RGS17: variants seen among roughly 807,000 people sequenced by gnomAD.
RGS17 encodes the protein regulator of G-protein signaling 17.
A neutral mutation model predicts 25.5 loss-of-function variants in RGS17; 12 were observed. The ratio of observed to expected loss-of-function variants is 0.47; its 90% CI spans 0.30 to 0.76. The LOEUF (loss-of-function observed/expected upper bound fraction) is 0.76, where lower values mean the gene tolerates loss of function less well. Among genes scored for constraint, RGS17 ranks in the 30% least tolerant of loss-of-function variants. The probability of loss-of-function intolerance (pLI) is 0.07; values close to 1 mark genes in which losing one functional copy is unlikely to be tolerated. For missense variants in RGS17, 196 were observed against 242.2 expected, an observed-to-expected ratio of 0.81 and a Z score of 1.27; for synonymous variants, 71 against 76.9, an observed-to-expected ratio of 0.92 and a Z score of 0.40.
At chr6:153,014,386 G>A (rs1779161935) in intron 4 of RGS17, among the ~76,000 whole-genome samples, 1 of 152,148 alleles carries the variant, frequency 6.6e-6, no homozygotes, top group Admixed American at 6.5e-5. Flanking sequence ...CTGGTCATCC[G>A]AGAGCTTTGA....
chr6:153,026,629 C>T, intron 2 of RGS17, 86 bp from the exon 3 acceptor site: 1 of 967,186 alleles, frequency 1.0e-6, no homozygotes, highest in East Asian at 2.4e-5. Flanking sequence ...AAACATTTCA[C>T]AGGAGATCTT....
intron 1 of RGS17, among the ~76,000 whole-genome samples, chr6:153,083,729 G>A (rs1777014093): frequency 6.6e-6 from 1 of 152,144 alleles, no homozygotes; most frequent in Non-Finnish European, 1.5e-5. Flanking sequence ...TTAAACAGAG[G>A]AGCCTTATTT....
Position 153,006,730 on chromosome 6 carries a change from C to A in RGS17, c.*4844G>T, listed in dbSNP as rs548636400. 6.6e-6 allele frequency: 1 copy of A among 152,176 alleles called. No homozygotes were observed. The highest frequency in any genetic ancestry group is 1.5e-5 in the Non-Finnish European group (1 of 68,022). 9.4% of individuals were successfully genotyped at this position (152,176 alleles called of 1,614,324 possible). On this transcript the variant is annotated 3_prime_UTR_variant, in exon 5 of 5. Coordinates refer to ENST00000206262, the MANE Select transcript of RGS17 (RefSeq NM_012419.5). ...ATAATAATGTATGCCACACTTTATT[C>A]TTTCCACGTTTGTTTTATTTAATGC...
At chr6:153,075,542 G>C (rs1287044859) in intron 1 of RGS17, among the ~76,000 whole-genome samples, 1 of 152,140 alleles carries the variant, frequency 6.6e-6, no homozygotes, top group Non-Finnish European at 1.5e-5. Flanking sequence ...GGCACGGACT[G>C]CTGCATGGAA....
chr6:153,089,708 A>C (rs1777099902), intron 1 of RGS17, among the ~76,000 whole-genome samples: 2 of 152,176 alleles, frequency 1.3e-5, no homozygotes, highest in Admixed American at 6.6e-5. Context: ...TAAGCTGTTA[A>C]ATAAATAAAT....
At chr6:153,063,596 A>C (rs1776667038) in intron 1 of RGS17, among the ~76,000 whole-genome samples, 2 of 152,324 alleles carry the variant, frequency 1.3e-5, no homozygotes, top group African/African-American at 4.8e-5. Context: ...TCTAGAAAAT[A>C]GACTCAACAG....
intron 1 of RGS17, among the ~76,000 whole-genome samples, chr6:153,127,809 G>C (rs12216195): frequency 0.093 from 14,112 of 152,242 alleles, 851 homozygotes; most frequent in East Asian, 0.18. Flanking sequence ...AGCCCAACTA[G>C]TGTACTTGGT....
rs1400161407 is a variant in RGS17, at chr6:153,037,219, C to CAA, written c.119+6680_119+6681insTT. Among the ~76,000 whole-genome samples, 8 of 150,460 alleles carry CAA rather than the reference C, an allele frequency of 5.3e-5. No homozygotes were observed. The East Asian group carries it at 1.6e-3, about 30-fold the overall frequency. On this transcript the variant is annotated intron_variant, in intron 2 of 4. Coordinates refer to ENST00000206262, the MANE Select transcript of RGS17 (RefSeq NM_012419.5). Reference sequence around the variant, plus strand: ...ACACACAGACACACACACACACACACACAGGAGCATGAAGAAAAATGGTGC... The same window carrying CAA: ...ACACACAGACACACACACACACACACAAACAGGAGCATGAAGAAAAATGGTGC...
At chr6:153,090,635 A>T (rs1777115815) in intron 1 of RGS17, among the ~76,000 whole-genome samples, 1 of 152,024 alleles carries the variant, frequency 6.6e-6, no homozygotes. Context: ...ACAAAAAAAA[A>T]GGAAAGAAAA....
intron 1 of RGS17, among the ~76,000 whole-genome samples, chr6:153,050,900 G>A (rs938966414): frequency 6.6e-6 from 1 of 152,120 alleles, no homozygotes; most frequent in Non-Finnish European, 1.5e-5. Flanking sequence ...TTTGGAGGTG[G>A]GGCCTTTCAG....
intron 2 of RGS17, among the ~76,000 whole-genome samples, chr6:153,040,546 A>G (rs1274634070): frequency 6.6e-6 from 1 of 152,080 alleles, no homozygotes; most frequent in Non-Finnish European, 1.5e-5. Context: ...ATTCAGCCAC[A>G]TGACAACTGG....
At chr6:153,032,098 C>A (rs1031958417) in intron 2 of RGS17, among the ~76,000 whole-genome samples, 1 of 152,058 alleles carries the variant, frequency 6.6e-6, no homozygotes, top group Non-Finnish European at 1.5e-5. Flanking sequence ...AGACTACCCA[C>A]CCCCCAAAAA....
chr6:153,110,705 C>A (rs911294762), intron 1 of RGS17, among the ~76,000 whole-genome samples: 3 of 152,174 alleles, frequency 2.0e-5, no homozygotes, highest in Non-Finnish European at 2.9e-5. Context: ...ACGCAGAAGG[C>A]AGGTGATTTC....
At chr6:153,030,354 G>T (rs1329262446) in intron 2 of RGS17, among the ~76,000 whole-genome samples, 1 of 152,160 alleles carries the variant, frequency 6.6e-6, no homozygotes, top group Non-Finnish European at 1.5e-5. Flanking sequence ...TGGTTCTTAA[G>T]AAAAACTGTT....
intron 3 of RGS17, among the ~76,000 whole-genome samples, chr6:153,025,338 C>T (rs947364396): frequency 6.6e-6 from 1 of 151,380 alleles, no homozygotes; most frequent in African/African-American, 2.4e-5. Flanking sequence ...TTTTTTCCTA[C>T]GAAAAGTTAA....
intron 1 of RGS17, among the ~76,000 whole-genome samples, chr6:153,046,758 C>A (rs1015687845): frequency 5.3e-5 from 8 of 151,864 alleles, no homozygotes; most frequent in Admixed American, 2.0e-4. Flanking sequence ...CCAATATATA[C>A]CCAACAAGAT....
chr6:153,043,240 A>C (rs1776344241), intron 2 of RGS17, among the ~76,000 whole-genome samples: 1 of 151,226 alleles, frequency 6.6e-6, no homozygotes, highest in Admixed American at 6.5e-5. Context: ...GATGTCCCAG[A>C]GCCTGCCAGT....
At chr6:153,102,790 T>C (rs1172302373) in intron 1 of RGS17, among the ~76,000 whole-genome samples, 1 of 152,224 alleles carries the variant, frequency 6.6e-6, no homozygotes, top group African/African-American at 2.4e-5. Flanking sequence ...TGTTGTGCCC[T>C]TCAAATAAAG....
chr6:153,108,885 T>C (rs550797889), intron 1 of RGS17, among the ~76,000 whole-genome samples: 35 of 151,728 alleles, frequency 2.3e-4, no homozygotes, highest in Non-Finnish European at 4.3e-4. Flanking sequence ...TGGAGCTCTA[T>C]GAACCAATTA....
Sources: gnomAD v4.1 joint callset for allele counts (sites outside exome capture counted in the v4.1 genomes callset) on GRCh38, gnomAD v4.1.1 for gene constraint, MANE v1.5 for transcripts, NCBI Gene and HGNC (gene_info 2026-07-23, HGNC 2026-07-21) for gene names.